The following OPRM1 variants were observed in gnomAD, a reference collection of about 807,000 sequenced individuals.
OPRM1 encodes mu-type opioid receptor.
OPRM1 carries 27 observed loss-of-function variants against 31.8 expected under a neutral mutation model. The observed-to-expected ratio is 0.85, with a 90% confidence interval of 0.63 to 1.17. The LOEUF (loss-of-function observed/expected upper bound fraction) is 1.17, where lower values mean the gene tolerates loss of function less well. OPRM1 is among the 50% of genes most tolerant of loss of function. The probability of loss-of-function intolerance (pLI) is 0.00; values close to 1 mark genes in which losing one functional copy is unlikely to be tolerated. For missense variants in OPRM1, 536 were observed against 511.1 expected (o/e 1.05, Z -0.47); for synonymous variants, 196 against 189.9 (o/e 1.03, Z -0.26).
At chr6:154,053,729 C>T (rs973588131) in intron 1 of OPRM1, among the ~76,000 whole-genome samples, 1 of 152,182 alleles carries the variant, frequency 6.6e-6, no homozygotes, top group African/African-American at 2.4e-5. Flanking sequence ...CTGCCATGCT[C>T]AGAGGAAACT....
At chr6:154,093,647 A>G in intron 3 of OPRM1, 1 of 1,014,310 alleles carries the variant, frequency 9.9e-7, no homozygotes, top group Non-Finnish European at 1.4e-6. Flanking sequence ...ATGAAGCAGT[A>G]TCAGTGTAAG....
chr6:154,207,125 G>C (rs569559807), intron 3 of OPRM1, among the ~76,000 whole-genome samples: 2 of 152,318 alleles, frequency 1.3e-5, no homozygotes, highest in African/African-American at 4.8e-5. Flanking sequence ...TCAGGTCAGG[G>C]CTGATGAGGG....
chr6:154,198,454 A>G (rs559478466), intron 3 of OPRM1, among the ~76,000 whole-genome samples: 15 of 152,232 alleles, frequency 9.9e-5, no homozygotes, highest in African/African-American at 3.6e-4. Context: ...AGTTCTTCTA[A>G]TCTAGATAGT....
downstream of OPRM1, among the ~76,000 whole-genome samples, chr6:154,134,701 T>G (rs548883757): frequency 6.6e-6 from 1 of 152,152 alleles, no homozygotes; most frequent in Non-Finnish European, 1.5e-5. Context: ...CTGACTCAGA[T>G]AGAAGGAGCG....
chr6:154,087,330 A>G, intron 1 of OPRM1: 1 of 985,476 alleles, frequency 1.0e-6, no homozygotes, highest in Non-Finnish European at 1.2e-6. Flanking sequence ...ATTCAGTCCT[A>G]AACAAAGGGC....
At chr6:154,053,162 A>G (rs1035261939) in intron 1 of OPRM1, among the ~76,000 whole-genome samples, 2 of 152,236 alleles carry the variant, frequency 1.3e-5, no homozygotes, top group African/African-American at 4.8e-5. Flanking sequence ...TTTATTGGAT[A>G]TGCTTTGTGG....
At chr6:154,112,808 AG>A (rs1796487180) in intron 3 of OPRM1, among the ~76,000 whole-genome samples, 1 of 152,212 alleles carries the variant, frequency 6.6e-6, no homozygotes, top group South Asian at 2.1e-4. Context: ...CATATTGACA[AG>A]GACTAGGACC....
At chr6:154,089,335 C>T (rs140881315) in intron 1 of OPRM1, among the ~76,000 whole-genome samples, 1 of 152,038 alleles carries the variant, frequency 6.6e-6, no homozygotes, top group East Asian at 1.9e-4. Context: ...GCCTGTAACA[C>T]AAACACTTTG....
intron 3 of OPRM1, among the ~76,000 whole-genome samples, chr6:154,160,947 C>T (rs1046498405): frequency 2.0e-5 from 3 of 152,124 alleles, no homozygotes; most frequent in South Asian, 2.1e-4. Flanking sequence ...ATGTAAATGC[C>T]GAGTCCCCCT....
At position 154,010,696 on chromosome 6, in the gene OPRM1, A is replaced by G. The variant is rs1583105411; in HGVS notation, c.-323A>G. The G allele has an allele frequency of 7.6e-6, 11 of 1,444,656 alleles. No homozygotes were observed. In the East Asian group the frequency reaches 2.8e-4, roughly 36 times the overall value. The allele number at this position is 1,444,656 out of a possible 1,614,324, so 89.5% of individuals were successfully genotyped here. On this transcript the variant is annotated 5_prime_UTR_variant, in exon 1 of 6. Coordinates refer to the OPRM1 transcript ENST00000434900. ...AAGCATGAAAAAGCAGCCGGGTCAG[A>G]CAGGCTTCTGGATTCAGTGTGTGGA...
At chr6:154,212,866 A>C in intron 3 of OPRM1, 6 of 1,581,472 alleles carry the variant, frequency 3.8e-6, no homozygotes, top group Non-Finnish European at 5.2e-6. Context: ...CTATAACAAA[A>C]ATGAAAATGC....
At chr6:154,062,248 T>C (rs1261828946) in intron 1 of OPRM1, among the ~76,000 whole-genome samples, 1 of 152,122 alleles carries the variant, frequency 6.6e-6, no homozygotes, top group Non-Finnish European at 1.5e-5. Flanking sequence ...TGAAAAGTAA[T>C]AAAGTATTGC....
At chr6:154,163,504 T>C (rs1799190237) in intron 3 of OPRM1, among the ~76,000 whole-genome samples, 2 of 152,210 alleles carry the variant, frequency 1.3e-5, no homozygotes, top group Non-Finnish European at 2.9e-5. Context: ...ACTTATCATA[T>C]TATACATTTA....
At chr6:154,071,395 C>A (rs1180175100) in intron 1 of OPRM1, among the ~76,000 whole-genome samples, 1 of 152,126 alleles carries the variant, frequency 6.6e-6, no homozygotes, top group Non-Finnish European at 1.5e-5. Flanking sequence ...TGGCCTGTAC[C>A]CATCTGTCAG....
At chr6:154,176,354 AT>A (rs1800328122) in intron 3 of OPRM1, among the ~76,000 whole-genome samples, 1 of 152,222 alleles carries the variant, frequency 6.6e-6, no homozygotes, top group African/African-American at 2.4e-5. Context: ...AATAAAGTGT[AT>A]TCAATTAGGA....
chr6:154,094,693 A>T (rs1239011933), intron 3 of OPRM1, among the ~76,000 whole-genome samples: 1 of 152,138 alleles, frequency 6.6e-6, no homozygotes, highest in Non-Finnish European at 1.5e-5. Flanking sequence ...GAGAGAGAAA[A>T]GAGGAAAGCG....
At chr6:154,078,860 A>G (rs959749730) in intron 1 of OPRM1, among the ~76,000 whole-genome samples, 9 of 151,922 alleles carry the variant, frequency 5.9e-5, no homozygotes, top group African/African-American at 2.2e-4. Flanking sequence ...CCTGGGCGAC[A>G]GAGCCAGACC....
rs1360734115 is a variant in OPRM1 at position 154,152,390 on chromosome 6, A to AAGAAAGAAAGAGAG, written c.1164+60921_1164+60922insAAGAAAGAGAGAGA. ...AAAGAAAGAAAGAAAGAAAGAAAGAAAGAGAAATAGTGTTCAGGTTGTGGT... is the reference window on the plus strand; with the variant it reads ...AAAGAAAGAAAGAAAGAAAGAAAGAAAGAAAGAAAGAGAGAGAGAAATAGTGTTCAGGTTGTGGT... On this transcript the variant is annotated intron_variant, in intron 3 of 3. Coordinates refer to the OPRM1 transcript ENST00000337049. Among the ~76,000 whole-genome samples the AAGAAAGAAAGAGAG allele has an allele frequency of 1.7e-3, 209 of 126,206 alleles. 6 individuals are homozygous for AAGAAAGAAAGAGAG. The highest frequency in any genetic ancestry group is 5.8e-3 in the African/African-American group (189 of 32,646). 82.8% of individuals were successfully genotyped at this position (126,206 alleles called of 152,430 possible).
At chr6:154,021,591 A>G (rs1459429614) in intron 1 of OPRM1, among the ~76,000 whole-genome samples, 2 of 152,192 alleles carry the variant, frequency 1.3e-5, no homozygotes, top group East Asian at 3.8e-4. Flanking sequence ...ATCCAAAAAC[A>G]TGGAATCTTT....
Sources: gnomAD v4.1 joint callset for allele counts (sites outside exome capture counted in the v4.1 genomes callset) on GRCh38, gnomAD v4.1.1 for gene constraint, MANE v1.5 for transcripts, NCBI Gene and HGNC (gene_info 2026-07-23, HGNC 2026-07-21) for gene names.